HERC6: variants seen among roughly 807,000 people sequenced by gnomAD.
HERC6 encodes probable E3 ubiquitin-protein ligase HERC6.
Under a neutral mutation model 114.5 loss-of-function variants are expected in HERC6, and 101 were observed. That is an observed-to-expected ratio of 0.88 (90% CI 0.75 to 1.04). The LOEUF (loss-of-function observed/expected upper bound fraction) is 1.04. HERC6 is among the 50% of genes least tolerant of loss of function. The pLI is 0.00. For missense variants in HERC6, 1,133 were observed against 1,230.9 expected, an observed-to-expected ratio of 0.92 and a Z score of 1.19; for synonymous variants, 408 against 436.2, an observed-to-expected ratio of 0.94 and a Z score of 0.81.
chr4:88,438,752 T>C (rs1449335042), intron 20 of HERC6, among the ~76,000 whole-genome samples: 1 of 152,176 alleles, frequency 6.6e-6, no homozygotes, highest in Non-Finnish European at 1.5e-5. Context: ...GTGGGAATAT[T>C]AACACCACAG....
intron 17 of HERC6, among the ~76,000 whole-genome samples, chr4:88,435,326 C>T (rs904931264): frequency 5.3e-5 from 8 of 152,050 alleles, no homozygotes; most frequent in African/African-American, 1.4e-4. Flanking sequence ...GCCACTCATG[C>T]GAGGCTCATC....
intron 16 of HERC6, 112 bp from the exon 17 acceptor site, chr4:88,431,050 A>T (rs541228946): frequency 5.4e-6 from 5 of 924,076 alleles, no homozygotes; most frequent in Middle Eastern, 3.2e-4. Context: ...GGGCTATGTG[A>T]TTCTAATAAT....
chr4:88,413,539 G>A (rs911918287), intron 12 of HERC6, among the ~76,000 whole-genome samples: 2 of 152,138 alleles, frequency 1.3e-5, no homozygotes, highest in Non-Finnish European at 2.9e-5. Context: ...TTTGACATCA[G>A]AGTTTGGTAG....
intron 10 of HERC6, among the ~76,000 whole-genome samples, chr4:88,407,535 G>A (rs1451701920): frequency 1.3e-5 from 2 of 151,966 alleles, no homozygotes; most frequent in African/African-American, 4.8e-5. Context: ...AAGTAGCTGG[G>A]ACTACAGGTG....
intron 1 of HERC6, among the ~76,000 whole-genome samples, chr4:88,381,746 C>T (rs1180702316): frequency 3.3e-5 from 5 of 151,710 alleles, no homozygotes; most frequent in Non-Finnish European, 2.9e-5. Flanking sequence ...TTAGTAGAGA[C>T]GGGGTTTCAC....
intron 10 of HERC6, 45 bp from the exon 11 acceptor site, chr4:88,408,479 C>G: frequency 8.3e-7 from 1 of 1,204,840 alleles, no homozygotes. Flanking sequence ...AGAAATATCC[C>G]TTTCCTTATG....
Position 88,394,290 on chromosome 4 carries a change from T to C in HERC6, c.759+708T>C, listed in dbSNP as rs182030151. ...GAGTTCAAGACCAGCCTGGCCAACA[T>C]AGTGAAATCCCATCTCTACTAAAAA... On this transcript the variant is annotated intron_variant, in intron 5 of 22. Coordinates refer to ENST00000264346, the MANE Select transcript of HERC6 (RefSeq NM_017912.4). Among the ~76,000 whole-genome samples, 9 of 151,700 alleles carry C rather than the reference T, an allele frequency of 5.9e-5. No homozygotes were observed. The East Asian group carries it at 7.9e-4, about 13-fold the overall frequency.
At chr4:88,385,367 A>G (rs1261101750) in intron 2 of HERC6, 132 bp from the exon 3 acceptor site, 2 of 608,708 alleles carry the variant, frequency 3.3e-6, no homozygotes, top group Non-Finnish European at 5.8e-6. Flanking sequence ...TAAAGGTACT[A>G]TAGAAATACA....
chr4:88,415,559 A>G (rs554152130), intron 12 of HERC6, among the ~76,000 whole-genome samples: 1 of 152,242 alleles, frequency 6.6e-6, no homozygotes, highest in Admixed American at 6.5e-5. Context: ...TTTACACTTC[A>G]TCAATGAATA....
In HERC6 at chr4:88,393,565, A is replaced by G; in HGVS notation, c.742A>G (p.Thr248Ala). Residue 248 changes from threonine to alanine, a missense_variant, in exon 5 of 23, where the codon ACT becomes GCT. By Grantham distance (58) the Thr-to-Ala change is moderately conservative. Around this residue, in one of 3 missense-constraint regions of HERC6, gnomAD observed 735 missense variants for 754.0 expected, o/e 0.97. Transcript: ENST00000264346. ...TTATATCAGCTGTGGTGATGCACAC[A>G]CTGCGGTGCTTACCCAGGTAATCCA... ...VVYISCGDAH[T>A]AVLTQDGKVF... 6.2e-7 allele frequency: 1 copy of G among 1,610,170 alleles called. No homozygotes were observed. The highest frequency in any genetic ancestry group is 1.7e-5 in the Admixed American group (1 of 59,920).
intron 8 of HERC6, among the ~76,000 whole-genome samples, chr4:88,402,206 C>G (rs543174669): frequency 6.6e-6 from 1 of 152,274 alleles, no homozygotes; most frequent in African/African-American, 2.4e-5. Flanking sequence ...GAGAACATTT[C>G]CAATAGAAAT....
intron 2 of HERC6, among the ~76,000 whole-genome samples, 173 bp downstream of exon 2, chr4:88,383,553 ATT>A (rs767458953): frequency 5.9e-5 from 9 of 151,926 alleles, no homozygotes; most frequent in Non-Finnish European, 1.2e-4. Flanking sequence ...GAGGTCAGGA[ATT>A]TGAGACCAGC....
chr4:88,400,623 C>G (rs1735483429), intron 8 of HERC6, among the ~76,000 whole-genome samples: 1 of 152,170 alleles, frequency 6.6e-6, no homozygotes, highest in Non-Finnish European at 1.5e-5. Context: ...ATGACATGTT[C>G]TGGGTGGCAT....
Position 88,436,904 on chromosome 4 carries a change from G to A in HERC6, c.2418-1G>A. On this transcript the variant is annotated splice_acceptor_variant, in intron 18 of 22. Coordinates refer to ENST00000264346, the MANE Select transcript of HERC6 (RefSeq NM_017912.4). LOFTEE classifies it high-confidence loss of function. The stretch of plus-strand genomic sequence containing the variant: ...ATTTTTAAAACCAAAATCTTCATTA[G>A]GAGTTTGCAAGAAGTTCTAGATGAT... The A allele has an allele frequency of 6.3e-7, 1 of 1,596,446 alleles. No individual in the cohort carries two copies.
intron 17 of HERC6, among the ~76,000 whole-genome samples, chr4:88,434,840 C>T (rs1432193288): frequency 6.6e-6 from 1 of 151,452 alleles, no homozygotes; most frequent in African/African-American, 2.4e-5. Flanking sequence ...CAGCTATAAC[C>T]AAGGGACATA....
chr4:88,405,399 C>A (rs1227822240), intron 9 of HERC6, among the ~76,000 whole-genome samples, 155 bp from the exon 10 acceptor site: 1 of 152,088 alleles, frequency 6.6e-6, no homozygotes, highest in Non-Finnish European at 1.5e-5. Flanking sequence ...ATAATATGAA[C>A]AAAGTATACC....
chr4:88,387,353 T>A (rs1006960470), intron 3 of HERC6, among the ~76,000 whole-genome samples: 3 of 152,218 alleles, frequency 2.0e-5, no homozygotes, highest in Admixed American at 6.5e-5. Context: ...GCTATGATTG[T>A]GCCACTGCAT....
rs759613572 is a variant in HERC6 at position 88,435,900 on chromosome 4, ATAT to A, written c.2417+10_2417+12del. Reference sequence around the variant, plus strand: ...AGTCCTCGGTTGGGGAAGTAAGTAAATATAACGTTTTTTCAGGACCGTATCTAG... The same window carrying A: ...AGTCCTCGGTTGGGGAAGTAAGTAAAAACGTTTTTTCAGGACCGTATCTAG... On this transcript the variant is annotated intron_variant, in intron 18 of 22. Transcript: ENST00000264346. 5.6e-6 allele frequency: 9 copies of A among 1,595,370 alleles called. No homozygotes were observed. In the South Asian group the frequency reaches 9.1e-5, roughly 16 times the overall value.
chr4:88,387,314 T>C, intron 3 of HERC6, among the ~76,000 whole-genome samples: 1 of 152,130 alleles, frequency 6.6e-6, no homozygotes, highest in Non-Finnish European at 1.5e-5. Flanking sequence ...GGAGGAGTGC[T>C]CGAGCTCAGG....
Sources: gnomAD v4.1 joint callset for allele counts (sites outside exome capture counted in the v4.1 genomes callset) on GRCh38, gnomAD v4.1.1 for gene constraint, gnomAD v4.1.1 regional missense constraint, MANE v1.5 for transcripts, NCBI Gene and HGNC (gene_info 2026-07-23, HGNC 2026-07-21) for gene names.